CSMD3: variants seen among roughly 807,000 people sequenced by gnomAD.
CSMD3 encodes CUB and sushi domain-containing protein 3.
A neutral mutation model predicts 435.2 loss-of-function variants in CSMD3; 177 were observed. That is an observed-to-expected ratio of 0.41 (90% confidence interval 0.36 to 0.46). The LOEUF (loss-of-function observed/expected upper bound fraction) is 0.46. Among genes scored for constraint, CSMD3 ranks in the 20% least tolerant of loss-of-function variants. The pLI is 0.34. For missense variants in CSMD3, 4,265 were observed against 4,504.6 expected, an observed-to-expected ratio of 0.95 and a Z score of 1.52; for synonymous variants, 1,656 against 1,520.5, an observed-to-expected ratio of 1.09 and a Z score of -2.07.
Position 112,976,052 on chromosome 8 carries a change from T to C in CSMD3, c.1127A>G (p.Asp376Gly). ...AGCTGTAACACTGGATACAGTAACA[T>C]CTGCAGGTGTGCTAGCAACAGCAAT... Reference protein sequence around the residue: ...GAIAVASTPADVTVSSVTAVT... With the variant: ...GAIAVASTPAGVTVSSVTAVT... The change falls in exon 7 of 71, where the codon GAT becomes GGT. Residue 376 changes from aspartate (D) to glycine (G), a missense_variant. By Grantham distance (94) the Asp-to-Gly change is moderately conservative. Around this residue, in one of 3 missense-constraint regions of CSMD3, gnomAD observed 731 missense variants for 755.4 expected, o/e 0.97. Coordinates refer to ENST00000297405, the MANE Select transcript of CSMD3 (RefSeq NM_198123.2). 6.2e-7 allele frequency: 1 copy of C among 1,614,034 alleles called. No homozygotes were observed. Among genetic ancestry groups the C allele is most frequent in the Non-Finnish European group, 8.5e-7 (1 of 1,179,948 alleles).
intron 23 of CSMD3, among the ~76,000 whole-genome samples, chr8:112,575,437 C>T (rs1385796002): frequency 6.6e-6 from 1 of 152,044 alleles, no homozygotes; most frequent in African/African-American, 2.4e-5. Flanking sequence ...GAATTCCTAA[C>T]AGCAAACATT....
At chr8:113,123,528 A>G (rs2091042592) in intron 4 of CSMD3, among the ~76,000 whole-genome samples, 1 of 152,066 alleles carries the variant, frequency 6.6e-6, no homozygotes, top group Non-Finnish European at 1.5e-5. Flanking sequence ...CATTCTTATT[A>G]GTAGAAAACT....
chr8:112,464,436 C>T (rs1158988101), intron 32 of CSMD3, among the ~76,000 whole-genome samples: 2 of 151,868 alleles, frequency 1.3e-5, no homozygotes, highest in East Asian at 3.9e-4. Context: ...CTTGAAGTTA[C>T]TAATTTGAGA....
rs2130631388 is a variant in CSMD3 at position 112,286,995 on chromosome 8, A to T, written c.9331+69T>A. 3 of 1,234,530 alleles carry T rather than the reference A, an allele frequency of 2.4e-6. No individual in the cohort carries two copies. The South Asian group carries it at 3.6e-5, about 15-fold the overall frequency. The allele number at this position is 1,234,530 out of a possible 1,614,324, so 76.5% of individuals were successfully genotyped here. A position where few individuals can be genotyped will look rare whatever the true frequency, so the allele number is the denominator to read the frequency against. Reference sequence around the variant, plus strand: ...TAGTAAGAGTAATTTTCCTAGTAGTACTCATCTGGATTTAGATACACACTA... The same window carrying T: ...TAGTAAGAGTAATTTTCCTAGTAGTTCTCATCTGGATTTAGATACACACTA... On this transcript the variant is annotated intron_variant, in intron 58 of 70. Transcript: ENST00000297405.
chr8:112,246,247 A>G (rs1814713194), intron 64 of CSMD3, among the ~76,000 whole-genome samples: 1 of 152,216 alleles, frequency 6.6e-6, no homozygotes, highest in Admixed American at 6.5e-5. Context: ...GGTTCTGAAC[A>G]GGGATAGAGT....
At chr8:112,679,755 T>C (rs1176018547) in intron 16 of CSMD3, among the ~76,000 whole-genome samples, 4 of 152,094 alleles carry the variant, frequency 2.6e-5, no homozygotes, top group Non-Finnish European at 5.9e-5. Flanking sequence ...CAAACGAGGA[T>C]CCAACAAAAT....
chr8:112,903,068 A>G (rs1420588708), intron 10 of CSMD3, among the ~76,000 whole-genome samples: 1 of 141,352 alleles, frequency 7.1e-6, no homozygotes, highest in African/African-American at 2.7e-5. Context: ...GATGTCTTTG[A>G]CCGTTTCTGA....
intron 22 of CSMD3, among the ~76,000 whole-genome samples, chr8:112,618,671 G>C (rs935838190): frequency 1.8e-5 from 1 of 55,338 alleles, no homozygotes; most frequent in Non-Finnish European, 3.5e-5. Flanking sequence ...GCAATGAGGA[G>C]TAAGGACCAA....
intron 27 of CSMD3, among the ~76,000 whole-genome samples, chr8:112,533,344 A>T (rs1164171521): frequency 1.3e-5 from 2 of 152,030 alleles, no homozygotes; most frequent in Admixed American, 6.6e-5. Flanking sequence ...TGAACGAAAA[A>T]ATAAGACCCA....
chr8:112,477,105 C>G (rs1819131077), intron 31 of CSMD3, among the ~76,000 whole-genome samples: 1 of 152,158 alleles, frequency 6.6e-6, no homozygotes, highest in Non-Finnish European at 1.5e-5. Context: ...ATAACATAAA[C>G]ATTTCATTTG....
At position 113,274,561 on chromosome 8, in the gene CSMD3, C is replaced by A. The variant is rs866069367; in HGVS notation, c.514+4031G>T. On this transcript the variant is annotated intron_variant, in intron 3 of 70. Coordinates refer to ENST00000297405, the MANE Select transcript of CSMD3 (RefSeq NM_198123.2). The stretch of plus-strand genomic sequence containing the variant: ...AAGTATTGGTGTGCAATTACAGATA[C>A]CTATTGGTCTTTCATCATAGACAGT... 1.1e-4 allele frequency among the ~76,000 whole-genome samples: 17 copies of A among 151,986 alleles called. 1 individual carries two copies. Among genetic ancestry groups the A allele is most frequent in the Admixed American group, 1.1e-3 (17 of 15,242 alleles).
intron 3 of CSMD3, among the ~76,000 whole-genome samples, chr8:113,189,836 T>C (rs762164906): frequency 4.0e-5 from 6 of 151,832 alleles, no homozygotes; most frequent in South Asian, 4.1e-4. Context: ...TCAATAATTA[T>C]AGACTGCTTC....
intron 4 of CSMD3, among the ~76,000 whole-genome samples, chr8:113,139,385 A>G (rs2091493782): frequency 1.3e-5 from 2 of 151,140 alleles, no homozygotes; most frequent in Non-Finnish European, 3.0e-5. Context: ...GAAATTTATG[A>G]TTTACTGTAA....
At chr8:112,929,080 T>C (rs1230619911) in intron 9 of CSMD3, among the ~76,000 whole-genome samples, 1 of 149,950 alleles carries the variant, frequency 6.7e-6, no homozygotes, top group African/African-American at 2.4e-5. Context: ...GCTGCATAAA[T>C]GTCTTCTTTT....
At chr8:112,433,385 G>A (rs1813933215) in intron 32 of CSMD3, among the ~76,000 whole-genome samples, 1 of 151,640 alleles carries the variant, frequency 6.6e-6, no homozygotes, top group Non-Finnish European at 1.5e-5. Context: ...AGCAGGGCAG[G>A]TGGCTCATGC....
intron 11 of CSMD3, among the ~76,000 whole-genome samples, chr8:112,852,923 AAAATAAAT>A (rs61627658): frequency 5.3e-5 from 8 of 150,608 alleles, no homozygotes; most frequent in South Asian, 2.1e-4. Flanking sequence ...CTCCACCTCA[AAAATAAAT>A]AAATAAATAA....
Position 112,289,387 on chromosome 8 carries a change from A to G in CSMD3, c.9126T>C (p.Ser3042=). ...TACCTGAACAATGAGGTTGTGATCC[A>G]CTCCAATGGCCATTCAATTGGCAGG... ...SRTCQLNGHW[S]GSQPHCSGDA... is the part of the protein sequence containing the mutation. Residue 3042 remains serine (S), a synonymous_variant, in exon 57 of 71, where the codon AGT becomes AGC. Transcript: ENST00000297405. 6.2e-7 allele frequency: 1 copy of G among 1,613,094 alleles called. No individual in the cohort carries two copies.
chr8:112,675,512 G>A (rs1484311565), intron 16 of CSMD3, among the ~76,000 whole-genome samples: 5 of 152,042 alleles, frequency 3.3e-5, no homozygotes, highest in African/African-American at 9.7e-5. Flanking sequence ...CTACAGTGTA[G>A]GGGACATGTG....
At chr8:113,091,304 C>T (rs1237626102) in intron 5 of CSMD3, among the ~76,000 whole-genome samples, 2 of 152,002 alleles carry the variant, frequency 1.3e-5, no homozygotes, top group East Asian at 3.9e-4. Flanking sequence ...AGGAGGTATT[C>T]CCTCCTCTTC....
Sources: gnomAD v4.1 joint callset for allele counts (sites outside exome capture counted in the v4.1 genomes callset) on GRCh38, gnomAD v4.1.1 for gene constraint, gnomAD v4.1.1 regional missense constraint, MANE v1.5 for transcripts, NCBI Gene and HGNC (gene_info 2026-07-23, HGNC 2026-07-21) for gene names.